HEXA: variants seen among roughly 807,000 people sequenced by gnomAD.
HEXA encodes the protein beta-hexosaminidase subunit alpha.
A neutral mutation model predicts 73.3 loss-of-function variants in HEXA; 54 were observed. The observed-to-expected ratio is 0.74, with a 90% CI of 0.59 to 0.92. The LOEUF (loss-of-function observed/expected upper bound fraction) is 0.92. Ranked by LOEUF, HEXA falls within the 40% of genes least tolerant of loss-of-function variation. The probability of loss-of-function intolerance (pLI) is 0.00; values close to 1 mark genes in which losing one functional copy is unlikely to be tolerated. For synonymous variants in HEXA, 230 were observed against 246.9 expected (o/e 0.93, Z 0.64); for missense variants, 649 against 653.0 (o/e 0.99, Z 0.07).
chr15:72,355,363 T>G, intron 3 of HEXA, 196 bp downstream of exon 3: 1 of 617,806 alleles, frequency 1.6e-6, no homozygotes, highest in Non-Finnish European at 3.0e-6. Context: ...CCATCTCTAC[T>G]AAAAATACAA....
chr15:72,352,204 C>A (rs186351328), intron 5 of HEXA, among the ~76,000 whole-genome samples: 1 of 152,250 alleles, frequency 6.6e-6, no homozygotes, highest in East Asian at 1.9e-4. Context: ...GCAATCCACC[C>A]GCCTTGGCCT....
intron 1 of HEXA, among the ~76,000 whole-genome samples, chr15:72,365,115 A>C (rs1432285371): frequency 2.0e-5 from 3 of 148,282 alleles, no homozygotes; most frequent in Admixed American, 2.0e-4. Context: ...TTTGAGACGG[A>C]GTCTCGCTCT....
chr15:72,371,041 C>T (rs773534744), intron 1 of HEXA, among the ~76,000 whole-genome samples: 5 of 152,126 alleles, frequency 3.3e-5, no homozygotes, highest in Non-Finnish European at 7.4e-5. Flanking sequence ...TTGTCTTTGC[C>T]GTGGGAAAGG....
At chr15:72,360,676 C>T (rs968856049) in intron 1 of HEXA, among the ~76,000 whole-genome samples, 5 of 152,160 alleles carry the variant, frequency 3.3e-5, no homozygotes, top group South Asian at 2.1e-4. Context: ...ACAAAGACTC[C>T]CTAGAGGAAA....
rs781712951 is a variant in HEXA at position 72,347,689 on chromosome 15, T to C, written c.1143A>G (p.Val381=). ...VVWQEVFDNK[V]KIQPDTIIQV... Reference sequence around the variant, plus strand: ...TCTCTTCTCTGCCCCGGCTCACCTTTACTTTATTATCAAACACCTCCTGCC... The same window carrying C: ...TCTCTTCTCTGCCCCGGCTCACCTTCACTTTATTATCAAACACCTCCTGCC... Residue 381 remains valine (V), a synonymous_variant, in exon 10 of 14, where the codon GTA becomes GTG. Transcript: ENST00000268097. 1 of 1,614,068 alleles carries C rather than the reference T, an allele frequency of 6.2e-7. No homozygotes were observed. The highest frequency in any genetic ancestry group is 8.5e-7 in the Non-Finnish European group (1 of 1,179,920).
At chr15:72,368,997 C>A (rs990684727) in intron 1 of HEXA, among the ~76,000 whole-genome samples, 1 of 152,158 alleles carries the variant, frequency 6.6e-6, no homozygotes, top group African/African-American at 2.4e-5. Flanking sequence ...TGACAAACAC[C>A]CATACGTCCT....
At chr15:72,375,624 A>G in intron 1 of HEXA, 96 bp downstream of exon 1, 6 of 1,416,810 alleles carry the variant, frequency 4.2e-6, no homozygotes, top group South Asian at 1.2e-5. Context: ...AGAGGGCTGG[A>G]CAAAAGCCCA....
intron 1 of HEXA, chr15:72,357,900 G>A (rs2088806315): frequency 6.6e-6 from 1 of 152,074 alleles, no homozygotes; most frequent in Non-Finnish European, 1.5e-5. Flanking sequence ...TAAATACCCT[G>A]GATCCCCACA....
rs774335060 is a variant in HEXA at position 72,356,429 on chromosome 15, C to T, written c.346+96G>A. The T allele has an allele frequency of 2.0e-5, 28 of 1,366,046 alleles. No homozygotes were observed. In the South Asian group the frequency reaches 3.3e-4, roughly 16 times the overall value. 84.6% of individuals were successfully genotyped at this position (1,366,046 alleles called of 1,614,324 possible). A position where few individuals can be genotyped will look rare whatever the true frequency, so the allele number is the denominator to read the frequency against. ...TCGGTCCCCAGGGTCAAGGGGGACT[C>T]CAGGCCGAGCATCAGCAGTTTAGGC... is the stretch of plus-strand genomic sequence containing the variant. On this transcript the variant is annotated intron_variant, in intron 2 of 13. Coordinates refer to ENST00000268097, the MANE Select transcript of HEXA (RefSeq NM_000520.6).
At chr15:72,369,577 G>T (rs753092049) in intron 1 of HEXA, among the ~76,000 whole-genome samples, 1 of 152,164 alleles carries the variant, frequency 6.6e-6, no homozygotes, top group African/African-American at 2.4e-5. Flanking sequence ...TGGCTCTGTT[G>T]TCCAGGCTGG....
At chr15:72,353,273 G>T in intron 4 of HEXA, 95 bp from the exon 5 acceptor site, 1 of 780,280 alleles carries the variant, frequency 1.3e-6, no homozygotes, top group Non-Finnish European at 2.2e-6. Flanking sequence ...TTCTTAAAAA[G>T]CCAATCTGTG....
intron 3 of HEXA, 172 bp downstream of exon 3, chr15:72,355,387 A>G (rs528481440): frequency 1.9e-5 from 13 of 669,284 alleles, no homozygotes; most frequent in Middle Eastern, 6.1e-4. Flanking sequence ...TTAGCTGGGC[A>G]TGGTGGCAGG....
At chr15:72,346,811 C>T in intron 10 of HEXA, 101 bp from the exon 11 acceptor site, 4 of 1,087,478 alleles carry the variant, frequency 3.7e-6, no homozygotes, top group Admixed American at 3.4e-5. Context: ...TGTGCTCCCT[C>T]TGTTCCCCAG....
At chr15:72,369,755 T>C (rs1187519129) in intron 1 of HEXA, among the ~76,000 whole-genome samples, 3 of 152,168 alleles carry the variant, frequency 2.0e-5, no homozygotes, top group East Asian at 3.9e-4. Context: ...TCCCTCTATA[T>C]AACAACAGGA....
At chr15:72,360,470 T>G (rs953380544) in intron 1 of HEXA, 8 of 152,442 alleles carry the variant, frequency 5.2e-5, no homozygotes, top group African/African-American at 1.9e-4. Flanking sequence ...CACACCTGCC[T>G]GTACCCTCTC....
Position 72,353,156 on chromosome 15 carries a change from A to C in HEXA, c.482T>G (p.Ile161Ser). 1.2e-6 allele frequency: 2 copies of C among 1,611,564 alleles called. No individual in the cohort carries two copies. Among genetic ancestry groups the C allele is most frequent in the Non-Finnish European group, 1.7e-6 (2 of 1,177,662 alleles). The change falls in exon 5 of 14, where the codon ATT (isoleucine) becomes AGT (serine). Residue 161 changes from isoleucine (I) to serine (S), a missense_variant. Ile to Ser is a moderately radical substitution (Grantham distance 142). Transcript: ENST00000268097. ...EGTFFINKTE[I>S]EDFPRFPHRG... ...GTGAGGAAAGCGGGGAAAGTCCTCA[A>C]TCTCAGTCTTGTTGATAAAGAACTG...
intron 5 of HEXA, 96 bp from the exon 6 acceptor site, chr15:72,351,330 A>C (rs1595800612): frequency 1.3e-6 from 1 of 798,480 alleles, no homozygotes; most frequent in African/African-American, 1.7e-5. Context: ...CGCTCCACAC[A>C]CCCCTACAGG....
intron 1 of HEXA, among the ~76,000 whole-genome samples, chr15:72,371,559 C>A (rs1221766437): frequency 1.5e-5 from 2 of 137,912 alleles, no homozygotes; most frequent in Admixed American, 7.6e-5. Context: ...GCACTCCAGA[C>A]TGGGTGACAA....
intron 1 of HEXA, among the ~76,000 whole-genome samples, chr15:72,365,346 G>A (rs544190343): frequency 1.3e-5 from 2 of 152,094 alleles, no homozygotes; most frequent in African/African-American, 2.4e-5. Context: ...TGATCCACCC[G>A]CCTTGGCCTC....
Sources: gnomAD v4.1 joint callset for allele counts (sites outside exome capture counted in the v4.1 genomes callset) on GRCh38, gnomAD v4.1.1 for gene constraint, MANE v1.5 for transcripts, NCBI Gene and HGNC (gene_info 2026-07-23, HGNC 2026-07-21) for gene names.